Variants in DEPDC5 observed in about 807,000 individuals in gnomAD.
DEPDC5 encodes GATOR1 complex protein DEPDC5.
A neutral mutation model predicts 217.3 loss-of-function variants in DEPDC5; 73 were observed. The observed-to-expected ratio is 0.34, with a 90% CI of 0.28 to 0.41. The LOEUF is 0.41. DEPDC5 is among the 10% of genes least tolerant of loss of function. The probability of loss-of-function intolerance (pLI) is 1.00; values close to 1 mark genes in which losing one functional copy is unlikely to be tolerated. For missense variants in DEPDC5, 1,675 were observed against 2,070.1 expected, an observed-to-expected ratio of 0.81 and a Z score of 3.70; for synonymous variants, 733 against 756.7, an observed-to-expected ratio of 0.97 and a Z score of 0.51.
At chr22:31,845,303 T>C (rs2091663272) in intron 30 of DEPDC5, 66 bp downstream of exon 30, 1 of 1,539,232 alleles carries the variant, frequency 6.5e-7, no homozygotes, top group East Asian at 2.4e-5. Context: ...CCTCCTCTAT[T>C]AGGGGCCTCT....
Position 31,845,178 on chromosome 22 carries a change from C to T in DEPDC5, c.2962C>T (p.Arg988Cys). 1 of 1,614,152 alleles carries T rather than the reference C, an allele frequency of 6.2e-7. No homozygotes were observed. The highest frequency in any genetic ancestry group is 8.5e-7 in the Non-Finnish European group (1 of 1,180,018). The change falls in exon 30 of 43, where the codon CGC becomes TGC. Residue 988 changes from arginine to cysteine, a missense_variant. Around this residue, in one of 11 missense-constraint regions of DEPDC5, gnomAD observed 293 missense variants for 386.1 expected, o/e 0.76. Transcript: ENST00000651528. Reference sequence around the variant, plus strand: ...GTGGCAACTCCTGGATGGTTTTGTCCGCTTTGTGGAGGGCTTGAATCGCAT... The same window carrying T: ...GTGGCAACTCCTGGATGGTTTTGTCTGCTTTGTGGAGGGCTTGAATCGCAT... ...DEWQLLDGFV[R>C]FVEGLNRIRR... is the part of the protein sequence containing the mutation.
rs2082699747 is a variant in DEPDC5 at position 31,765,066 on chromosome 22, T to G, written c.279+6T>G. On this transcript the variant is annotated splice_donor_region_variant and intron_variant, in intron 5 of 42. Coordinates refer to ENST00000651528, the MANE Select transcript of DEPDC5 (RefSeq NM_001242896.3). ...TTAATGTCGTAGACCCTAAGGTATG[T>G]CTTTGTTTTGTACTTGAATATCTTT... The G allele has an allele frequency of 1.9e-6, 3 of 1,610,774 alleles. No homozygotes were observed. The highest frequency in any genetic ancestry group is 2.5e-6 in the Non-Finnish European group (3 of 1,177,228).
intron 24 of DEPDC5, 120 bp downstream of exon 24, chr22:31,822,910 G>A: frequency 9.9e-7 from 1 of 1,007,124 alleles, no homozygotes; most frequent in Non-Finnish European, 1.5e-6. Flanking sequence ...CCACACTTTT[G>A]GGTGACCTAT....
rs148874799 is a variant in DEPDC5, at chr22:31,836,346, G to A, written c.2171-626G>A. ...GCTTTAACTGAGGAGCAGGCAATTC[G>A]GGACAGACCCATGTGGTCAGGACTG... On this transcript the variant is annotated intron_variant, in intron 25 of 42. Coordinates refer to ENST00000651528, the MANE Select transcript of DEPDC5 (RefSeq NM_001242896.3). Among the ~76,000 whole-genome samples the A allele has an allele frequency of 2.0e-4, 30 of 152,302 alleles. No homozygotes were observed. In the East Asian group the frequency reaches 4.8e-3, roughly 24 times the overall value.
chr22:31,834,598 C>T (rs908711447), intron 25 of DEPDC5, among the ~76,000 whole-genome samples: 3 of 151,642 alleles, frequency 2.0e-5, no homozygotes, highest in African/African-American at 7.3e-5. Context: ...CTCACTGCCA[C>T]CTCTGCCTCC....
chr22:31,817,345 GGT>G (rs776868564), intron 21 of DEPDC5: 1 of 285,510 alleles, frequency 3.5e-6, no homozygotes, highest in Non-Finnish European at 6.9e-6. Context: ...CCTGACCTCA[GGT>G]GATCTGCCCA....
intron 24 of DEPDC5, chr22:31,823,025 A>G: frequency 2.1e-6 from 1 of 465,758 alleles, no homozygotes; most frequent in Non-Finnish European, 4.0e-6. Context: ...ATTCTGTCAC[A>G]GAGTTGTGAT....
At chr22:31,775,552 T>C (rs188929078) in intron 7 of DEPDC5, among the ~76,000 whole-genome samples, 1 of 152,224 alleles carries the variant, frequency 6.6e-6, no homozygotes, top group Admixed American at 6.5e-5. Context: ...TGGTAGAAGA[T>C]AAGGGCTTGA....
At chr22:31,861,193 T>TA (rs1374729951) in intron 32 of DEPDC5, among the ~76,000 whole-genome samples, 175 bp from the exon 33 acceptor site, 8 of 151,338 alleles carry the variant, frequency 5.3e-5, no homozygotes, top group Non-Finnish European at 7.4e-5. Flanking sequence ...TTTTTTTTTT[T>TA]AATTTTCCCT....
At chr22:31,828,569 T>C (rs1034462120) in intron 24 of DEPDC5, among the ~76,000 whole-genome samples, 1 of 152,184 alleles carries the variant, frequency 6.6e-6, no homozygotes, top group Non-Finnish European at 1.5e-5. Flanking sequence ...TTTTCTCTAA[T>C]GCTTTTCTTT....
At chr22:31,844,327 G>T (rs1434035335) in intron 29 of DEPDC5, among the ~76,000 whole-genome samples, 1 of 152,190 alleles carries the variant, frequency 6.6e-6, no homozygotes, top group African/African-American at 2.4e-5. Flanking sequence ...CCAGGAGGTC[G>T]TGGCTACAGT....
chr22:31,773,580 C>T (rs977935903), intron 7 of DEPDC5, among the ~76,000 whole-genome samples: 1 of 152,178 alleles, frequency 6.6e-6, no homozygotes, highest in Non-Finnish European at 1.5e-5. Flanking sequence ...TCTATCTTTT[C>T]TCCAGAAGAC....
At chr22:31,770,547 ATT>A (rs34409975) in intron 7 of DEPDC5, among the ~76,000 whole-genome samples, 69 of 133,430 alleles carry the variant, frequency 5.2e-4, no homozygotes, top group Admixed American at 1.3e-3. Flanking sequence ...CACGTAGCTA[ATT>A]TTTTTTTTTT....
At position 31,879,572 on chromosome 22, in the gene DEPDC5, G is replaced by A. The variant is rs746938769; in HGVS notation, c.3853G>A (p.Asp1285Asn). Residue 1285 changes from aspartate to asparagine, a missense_variant, in exon 38 of 43, where the codon GAC (aspartate) becomes AAC (asparagine). Physicochemically the swap from Asp to Asn is conservative, Grantham distance 23. Around this residue, in one of 11 missense-constraint regions of DEPDC5, gnomAD observed 194 missense variants for 199.3 expected, o/e 0.97. Coordinates refer to ENST00000651528, the MANE Select transcript of DEPDC5 (RefSeq NM_001242896.3). ...ATTWHTAGVD[D>N]FASFQRKWFE... The stretch of plus-strand genomic sequence containing the variant: ...CACCTGGCACACAGCAGGAGTGGAC[G>A]ACTTCGCCAGCTTCCAGCGCAAGTG... 4 of 1,613,144 alleles carry A rather than the reference G, an allele frequency of 2.5e-6. No homozygotes were observed. The South Asian group carries it at 3.3e-5, about 13-fold the overall frequency.
In DEPDC5 at chr22:31,766,467, G is replaced by C. The variant is rs1435299301; in HGVS notation, c.280-118G>C. The C allele has an allele frequency of 2.0e-5, 18 of 896,986 alleles. No homozygotes were observed. The African/African-American group carries it at 2.7e-4, about 13-fold the overall frequency. 55.6% of individuals were successfully genotyped at this position (896,986 alleles called of 1,614,324 possible). A position where few individuals can be genotyped will look rare whatever the true frequency, so the allele number is the denominator to read the frequency against. On this transcript the variant is annotated intron_variant, in intron 5 of 42. Coordinates refer to ENST00000651528, the MANE Select transcript of DEPDC5 (RefSeq NM_001242896.3). ...TTCATCAGAGTTCTGCTACTGAATGGTCTTCCAGTAGTTTTCTTTTTTGCA... is the reference window on the plus strand; with the variant it reads ...TTCATCAGAGTTCTGCTACTGAATGCTCTTCCAGTAGTTTTCTTTTTTGCA...
chr22:31,778,552 C>T (rs1173779359), intron 8 of DEPDC5, among the ~76,000 whole-genome samples: 2 of 152,152 alleles, frequency 1.3e-5, no homozygotes, highest in Non-Finnish European at 2.9e-5. Context: ...ACTCTTTGCC[C>T]ACATGTAATA....
intron 24 of DEPDC5, among the ~76,000 whole-genome samples, chr22:31,826,953 C>T (rs2090201736): frequency 6.7e-6 from 1 of 149,092 alleles, no homozygotes. Context: ...GGATAGAGTA[C>T]AGTGGCTTGA....
At chr22:31,900,610 A>T (rs889663653) in intron 40 of DEPDC5, among the ~76,000 whole-genome samples, 1 of 152,068 alleles carries the variant, frequency 6.6e-6, no homozygotes, top group Non-Finnish European at 1.5e-5. Context: ...GCTGTGGCAC[A>T]TGCCTGTAAC....
intron 41 of DEPDC5, among the ~76,000 whole-genome samples, chr22:31,905,464 C>T (rs565231447): frequency 2.0e-5 from 3 of 151,678 alleles, no homozygotes; most frequent in South Asian, 2.1e-4. Context: ...GGCAACAGTG[C>T]GAGATTCCCT....
Sources: gnomAD v4.1 joint callset for allele counts (sites outside exome capture counted in the v4.1 genomes callset) on GRCh38, gnomAD v4.1.1 for gene constraint, gnomAD v4.1.1 regional missense constraint, MANE v1.5 for transcripts, NCBI Gene and HGNC (gene_info 2026-07-23, HGNC 2026-07-21) for gene names.